FAF1: variants seen among roughly 807,000 people sequenced by gnomAD.
FAF1 encodes FAS-associated factor 1.
FAF1 carries 25 observed loss-of-function variants against 92.5 expected under a neutral mutation model. That is an observed-to-expected ratio of 0.27 (90% CI 0.20 to 0.38). FAF1 has a LOEUF of 0.38. Among genes scored for constraint, FAF1 ranks in the 10% least tolerant of loss-of-function variants. The pLI, the probability that FAF1 is intolerant of heterozygous loss-of-function variation, is 1.00. For synonymous variants in FAF1, 234 were observed against 273.2 expected (o/e 0.86, Z 1.42); for missense variants, 636 against 793.3 (o/e 0.80, Z 2.38).
At chr1:50,600,254 A>G (rs1344418389) in intron 8 of FAF1, among the ~76,000 whole-genome samples, 5 of 152,192 alleles carry the variant, frequency 3.3e-5, no homozygotes, top group Non-Finnish European at 1.5e-5. Context: ...TATTAATATA[A>G]TAGATGTGAC....
At chr1:50,483,937 A>G (rs1027023682) in intron 17 of FAF1, among the ~76,000 whole-genome samples, 1 of 152,192 alleles carries the variant, frequency 6.6e-6, no homozygotes, top group Non-Finnish European at 1.5e-5. Flanking sequence ...AATTTAAAAC[A>G]TATTAAGTTT....
chr1:50,953,755 A>G (rs1339502822), intron 1 of FAF1, among the ~76,000 whole-genome samples: 1 of 152,128 alleles, frequency 6.6e-6, no homozygotes, highest in African/African-American at 2.4e-5. Flanking sequence ...AAAAAAAAGA[A>G]AGAAAAGAAA....
At chr1:50,602,475 T>C (rs1332600000) in intron 8 of FAF1, among the ~76,000 whole-genome samples, 4 of 152,036 alleles carry the variant, frequency 2.6e-5, no homozygotes, top group South Asian at 2.1e-4. Context: ...TATTAATATA[T>C]GCATTTATAT....
At chr1:50,825,673 G>A (rs927979498) in intron 2 of FAF1, among the ~76,000 whole-genome samples, 4 of 151,932 alleles carry the variant, frequency 2.6e-5, no homozygotes, top group South Asian at 4.2e-4. Context: ...AAAAAAACCC[G>A]ACATAATAAC....
intron 2 of FAF1, among the ~76,000 whole-genome samples, chr1:50,851,227 T>C (rs1005724592): frequency 1.3e-5 from 2 of 152,046 alleles, no homozygotes; most frequent in African/African-American, 4.8e-5. Context: ...ACCACAGGCA[T>C]GCGCCACCAA....
chr1:50,905,488 T>C (rs1644829998), intron 1 of FAF1, among the ~76,000 whole-genome samples: 2 of 152,388 alleles, frequency 1.3e-5, no homozygotes, highest in South Asian at 4.1e-4. Flanking sequence ...TGAACTAGTT[T>C]ACAGTCCCAC....
intron 15 of FAF1, among the ~76,000 whole-genome samples, chr1:50,495,831 T>C (rs1006558688): frequency 6.6e-6 from 1 of 152,196 alleles, no homozygotes. Context: ...TATCTTACTG[T>C]AGTTCTGATC....
At chr1:50,820,483 G>A (rs12096626) in intron 2 of FAF1, among the ~76,000 whole-genome samples, 13,149 of 152,100 alleles carry the variant, frequency 0.086, 590 homozygotes, top group African/African-American at 0.098. Flanking sequence ...TTGTGTGCAT[G>A]TGTGTGTGTG....
chr1:50,935,078 G>A (rs1382678173), intron 1 of FAF1, among the ~76,000 whole-genome samples: 1 of 152,048 alleles, frequency 6.6e-6, no homozygotes, highest in Non-Finnish European at 1.5e-5. Flanking sequence ...CCAACTAACT[G>A]CAAAGGTATT....
At chr1:50,652,211 T>C (rs1167049435) in intron 8 of FAF1, among the ~76,000 whole-genome samples, 3 of 152,202 alleles carry the variant, frequency 2.0e-5, no homozygotes, top group Non-Finnish European at 4.4e-5. Flanking sequence ...CAAGTAGTAT[T>C]ACAGTCTTGG....
chr1:50,955,740 T>A (rs1035476408), intron 1 of FAF1, among the ~76,000 whole-genome samples: 3 of 152,172 alleles, frequency 2.0e-5, no homozygotes, highest in African/African-American at 7.2e-5. Context: ...ACAACCTAAA[T>A]GTCCATGGAA....
In FAF1 at chr1:50,729,943, C is replaced by T. The variant is rs138435376; in HGVS notation, c.551+8920G>A. On this transcript the variant is annotated intron_variant, in intron 6 of 18. Coordinates refer to ENST00000396153, the MANE Select transcript of FAF1 (RefSeq NM_007051.3). ...GGCTGACGCAGGAGAGTTGCTTGAA[C>T]CCAGGAGGCAGAGGTTGCAGTGAGC... is the stretch of plus-strand genomic sequence containing the variant. Among the ~76,000 whole-genome samples, 575 of 152,152 alleles carry T rather than the reference C, an allele frequency of 3.8e-3. 1 individual carries two copies. Among genetic ancestry groups the T allele is most frequent in the African/African-American group, 0.013 (521 of 41,558 alleles).
chr1:50,485,667 C>CAAAAAAAAAAAAAAAAAAAAA (rs999538430), intron 17 of FAF1, among the ~76,000 whole-genome samples: 8 of 13,718 alleles, frequency 5.8e-4, no homozygotes, highest in East Asian at 3.0e-3. Flanking sequence ...GAGACTGTCT[C>CAAAAAAAAAAAAAAAAAAAAA]AAAAAAAAAA....
intron 2 of FAF1, among the ~76,000 whole-genome samples, chr1:50,834,097 T>C (rs1644179249): frequency 6.6e-6 from 1 of 152,126 alleles, no homozygotes; most frequent in East Asian, 1.9e-4. Context: ...TGATAGTGAG[T>C]TCTCAGGAGA....
chr1:50,930,340 A>G (rs1645038240), intron 1 of FAF1, among the ~76,000 whole-genome samples: 2 of 152,162 alleles, frequency 1.3e-5, no homozygotes, highest in South Asian at 4.1e-4. Flanking sequence ...AGTTTAGGGT[A>G]CAGTACTATT....
chr1:50,896,314 C>A (rs1357147029), intron 1 of FAF1, among the ~76,000 whole-genome samples: 1 of 152,006 alleles, frequency 6.6e-6, no homozygotes, highest in African/African-American at 2.4e-5. Flanking sequence ...TTGTTTGTAA[C>A]ACAAAGGATA....
At chr1:50,467,188 T>C (rs1646508015) in intron 18 of FAF1, among the ~76,000 whole-genome samples, 1 of 151,966 alleles carries the variant, frequency 6.6e-6, no homozygotes, top group Admixed American at 6.6e-5. Context: ...GGGTGTGAAA[T>C]ACAACTAAGA....
intron 2 of FAF1, among the ~76,000 whole-genome samples, chr1:50,835,570 CAAAAAAAA>C (rs573942977): frequency 1.1e-4 from 6 of 54,890 alleles, no homozygotes; most frequent in African/African-American, 1.8e-4. Context: ...GACTCCATCT[CAAAAAAAA>C]AAAAAAAAAA....
intron 8 of FAF1, among the ~76,000 whole-genome samples, chr1:50,630,035 C>A (rs1203715888): frequency 6.6e-6 from 1 of 150,996 alleles, no homozygotes; most frequent in Non-Finnish European, 1.5e-5. Context: ...TCCAGCCTGG[C>A]GACAGAGCGA....
Sources: allele counts gnomAD v4.1 joint callset (sites outside exome capture counted in the v4.1 genomes callset), GRCh38; gene constraint gnomAD v4.1.1; transcripts MANE v1.5; gene names NCBI Gene and HGNC (gene_info 2026-07-23, HGNC 2026-07-21).